The following MMP26 variants were observed in gnomAD, a reference collection of about 807,000 sequenced individuals.
MMP26 encodes the protein matrix metallopeptidase 26, also known as matrix metalloproteinase-26.
Under a neutral mutation model 31.0 loss-of-function variants are expected in MMP26, and 33 were observed. The ratio of observed to expected loss-of-function variants is 1.06; its 90% CI spans 0.81 to 1.42. The LOEUF is 1.42. Ranked by LOEUF, MMP26 falls within the 40% of genes most tolerant of loss-of-function variation. The pLI is 0.00. For missense variants in MMP26, 347 were observed against 316.1 expected, an observed-to-expected ratio of 1.10 and a Z score of -0.74; for synonymous variants, 122 against 114.9, an observed-to-expected ratio of 1.06 and a Z score of -0.40.
At chr11:4,878,798 G>T (rs185745388) in intron 2 of MMP26, among the ~76,000 whole-genome samples, 81 of 152,200 alleles carry the variant, frequency 5.3e-4, no homozygotes, top group African/African-American at 1.9e-3. Context: ...GGGAAAGAGG[G>T]TGGTGTTTAC....
At chr11:4,844,429 A>G (rs957122553) in intron 2 of MMP26, among the ~76,000 whole-genome samples, 2 of 152,188 alleles carry the variant, frequency 1.3e-5, no homozygotes, top group Non-Finnish European at 2.9e-5. Flanking sequence ...GGTCAGTATT[A>G]CCATGATACT....
intron 2 of MMP26, among the ~76,000 whole-genome samples, chr11:4,916,554 A>G (rs1448928681): frequency 6.6e-6 from 1 of 151,556 alleles, no homozygotes; most frequent in Non-Finnish European, 1.5e-5. Flanking sequence ...GTTTTTGATT[A>G]ACTTCTCCAG....
chr11:4,908,461 C>T (rs956961934), intron 2 of MMP26: 37 of 713,186 alleles, frequency 5.2e-5, no homozygotes, highest in African/African-American at 8.9e-5. Context: ...GAGAATATAA[C>T]TGAACAGGAT....
At chr11:4,912,059 A>G (rs948702066) in intron 2 of MMP26, among the ~76,000 whole-genome samples, 1 of 151,930 alleles carries the variant, frequency 6.6e-6, no homozygotes, top group African/African-American at 2.4e-5. Context: ...TATTTAACAC[A>G]CATTCTTCTT....
chr11:4,777,558 A>G (rs1848805773), intron 2 of MMP26, among the ~76,000 whole-genome samples: 1 of 152,142 alleles, frequency 6.6e-6, no homozygotes, highest in Non-Finnish European at 1.5e-5. Flanking sequence ...TGTTACCACC[A>G]TCCAGATAAA....
chr11:4,964,557 C>T (rs946911948), intron 2 of MMP26, among the ~76,000 whole-genome samples: 1 of 152,092 alleles, frequency 6.6e-6, no homozygotes. Context: ...ACCCAGCAAT[C>T]CCATTACTCG....
intron 2 of MMP26, among the ~76,000 whole-genome samples, chr11:4,968,288 C>CT (rs1379927155): frequency 6.6e-6 from 1 of 152,120 alleles, no homozygotes; most frequent in Admixed American, 6.5e-5. Flanking sequence ...GGTTAATTAT[C>CT]TTTTTTATTT....
intron 2 of MMP26, among the ~76,000 whole-genome samples, chr11:4,965,266 A>T (rs1846576410): frequency 6.6e-6 from 1 of 152,172 alleles, no homozygotes; most frequent in Admixed American, 6.5e-5. Context: ...GTGCTAAGAA[A>T]GATCACATCC....
Position 4,991,953 on chromosome 11 carries a change from T to C in MMP26, c.596-11T>C, listed in dbSNP as rs78789086. 3.9e-3 allele frequency: 6,102 copies of C among 1,573,556 alleles called. 227 individuals carry two copies. In the African/African-American group the frequency reaches 0.075, roughly 19 times the overall value. Reference sequence around the variant, plus strand: ...GTTAATTTTATCTTTTTTTTTTCTATAATTTTTCAGGATATAATCTGTTCC... The same window carrying C: ...GTTAATTTTATCTTTTTTTTTTCTACAATTTTTCAGGATATAATCTGTTCC... On this transcript the variant is annotated splice_polypyrimidine_tract_variant and intron_variant, in intron 6 of 7. Transcript: ENST00000380390.
rs372905416 is a variant in MMP26, at chr11:4,946,671, C to T, written c.-144-41397C>T. 53 of 1,591,860 alleles carry T rather than the reference C, an allele frequency of 3.3e-5. 2 individuals carry two copies. The African/African-American group carries it at 5.8e-4, about 17-fold the overall frequency. On this transcript the variant is annotated intron_variant, in intron 2 of 7. Transcript: ENST00000380390. The stretch of plus-strand genomic sequence containing the variant: ...AAGGAGAATACTATCCCTATTTGGG[C>T]AACTCTGACAGTTGTCAGGATTGAG...
intron 2 of MMP26, among the ~76,000 whole-genome samples, chr11:4,960,435 C>G (rs1431441147): frequency 6.6e-6 from 1 of 151,892 alleles, no homozygotes; most frequent in Admixed American, 6.6e-5. Context: ...AAGACCTGCT[C>G]TCTGCCCAGT....
At chr11:4,764,742 G>A (rs960868925) in intron 1 of MMP26, among the ~76,000 whole-genome samples, 1 of 152,012 alleles carries the variant, frequency 6.6e-6, no homozygotes, top group Admixed American at 6.5e-5. Context: ...GCGCGGTGGC[G>A]GGCGCCTGTA....
intron 2 of MMP26, among the ~76,000 whole-genome samples, chr11:4,975,478 A>C (rs148908579): frequency 6.6e-6 from 1 of 152,196 alleles, no homozygotes; most frequent in East Asian, 1.9e-4. Flanking sequence ...GATTTATTCT[A>C]TCAGGGCTTG....
intron 2 of MMP26, among the ~76,000 whole-genome samples, chr11:4,785,512 G>A (rs1035356111): frequency 6.6e-6 from 1 of 151,944 alleles, no homozygotes; most frequent in African/African-American, 2.4e-5. Context: ...TCTAGATTTA[G>A]TGGGTATTTC....
chr11:4,966,208 T>C (rs1589820670), intron 2 of MMP26, among the ~76,000 whole-genome samples: 1 of 152,130 alleles, frequency 6.6e-6, no homozygotes, highest in East Asian at 1.9e-4. Context: ...GAAAAGAGAT[T>C]AGACTCAACA....
In MMP26 at chr11:4,750,962, C is replaced by T. The variant is rs148934317; in HGVS notation, c.-216-16308C>T. On this transcript the variant is annotated intron_variant, in intron 1 of 7. Coordinates refer to ENST00000380390, the MANE Select transcript of MMP26 (RefSeq NM_021801.5). ...AAATACAGATTTATTGGATGTGGGA[C>T]CAAACGGGGACAACTTTCTGAGACC... Among the ~76,000 whole-genome samples the T allele has an allele frequency of 1.7e-3, 260 of 151,974 alleles. 1 individual carries two copies. The highest frequency in any genetic ancestry group is 3.1e-3 in the Non-Finnish European group (208 of 67,900).
intron 2 of MMP26, among the ~76,000 whole-genome samples, chr11:4,976,966 T>C (rs74576044): frequency 0.02 from 3,019 of 152,176 alleles, 67 homozygotes; most frequent in East Asian, 0.12. Context: ...GCAATTTTTA[T>C]CTTATAAAAT....
At chr11:4,811,943 A>T (rs1204723617) in intron 2 of MMP26, among the ~76,000 whole-genome samples, 2 of 152,154 alleles carry the variant, frequency 1.3e-5, no homozygotes, top group Non-Finnish European at 2.9e-5. Flanking sequence ...CAAAACTGGT[A>T]CCTCTCCAGG....
chr11:4,979,358 C>T (rs1372262052), intron 2 of MMP26, among the ~76,000 whole-genome samples: 2 of 152,094 alleles, frequency 1.3e-5, no homozygotes, highest in East Asian at 1.9e-4. Context: ...TACTGATTTC[C>T]CTGGTCCTCC....
Sources: gnomAD v4.1 joint callset for allele counts (sites outside exome capture counted in the v4.1 genomes callset) on GRCh38, gnomAD v4.1.1 for gene constraint, MANE v1.5 for transcripts, NCBI Gene and HGNC (gene_info 2026-07-23, HGNC 2026-07-21) for gene names.